KIF9: variants seen among roughly 807,000 people sequenced by gnomAD.
KIF9 encodes the protein kinesin family member 9.
KIF9 carries 68 observed loss-of-function variants against 94.8 expected under a neutral mutation model. That is an observed-to-expected ratio of 0.72 (90% CI 0.59 to 0.88). KIF9 has a LOEUF of 0.88. KIF9 is among the 40% of genes least tolerant of loss of function. KIF9 has a pLI of 0.00. For synonymous variants in KIF9, 343 were observed against 362.1 expected (o/e 0.95, Z 0.60); for missense variants, 882 against 982.5 (o/e 0.90, Z 1.37).
At chr3:47,273,249 C>T (rs1365551057) in intron 4 of KIF9, among the ~76,000 whole-genome samples, 1 of 152,182 alleles carries the variant, frequency 6.6e-6, no homozygotes, top group East Asian at 1.9e-4. Context: ...TCCTTAATTA[C>T]AGGATCACAG....
intron 14 of KIF9, 85 bp from the exon 15 acceptor site, chr3:47,245,009 T>G (rs1380075043): frequency 5.2e-6 from 8 of 1,547,894 alleles, no homozygotes; most frequent in Non-Finnish European, 7.0e-6. Flanking sequence ...GGCCCAAGGC[T>G]CAGGGTGGAC....
chr3:47,259,712 A>C (rs1234619885), intron 9 of KIF9, among the ~76,000 whole-genome samples: 1 of 148,896 alleles, frequency 6.7e-6, no homozygotes, highest in Non-Finnish European at 1.5e-5. Context: ...ACTCAGAGTT[A>C]AATGGATTAA....
intron 20 of KIF9, among the ~76,000 whole-genome samples, chr3:47,234,585 C>T (rs116753163): frequency 0.011 from 1,517 of 141,834 alleles, 10 homozygotes; most frequent in South Asian, 0.019. Flanking sequence ...GATAGAGTTT[C>T]GCTTTATTGC....
intron 1 of KIF9, chr3:47,282,242 G>T: frequency 1.0e-6 from 1 of 985,544 alleles, no homozygotes; most frequent in Non-Finnish European, 1.2e-6. Flanking sequence ...CTGCCTCACG[G>T]CCTCTATGTC....
chr3:47,239,134 A>G (rs1366199330), intron 17 of KIF9, among the ~76,000 whole-genome samples: 2 of 152,138 alleles, frequency 1.3e-5, no homozygotes, highest in Middle Eastern at 3.2e-3. Context: ...CAGGAGGCGG[A>G]GATTGCAGTG....
At chr3:47,232,434 G>T (rs979053380) in intron 20 of KIF9, among the ~76,000 whole-genome samples, 1 of 151,748 alleles carries the variant, frequency 6.6e-6, no homozygotes, top group African/African-American at 2.4e-5. Context: ...ACAGGCATGC[G>T]TCACCACACC....
At chr3:47,274,653 A>C (rs955577713) in intron 3 of KIF9, among the ~76,000 whole-genome samples, 1 of 152,230 alleles carries the variant, frequency 6.6e-6, no homozygotes, top group Non-Finnish European at 1.5e-5. Context: ...GTTCCACAGC[A>C]CCAGTGCTCA....
At chr3:47,259,381 G>A (rs1419776338) in intron 9 of KIF9, among the ~76,000 whole-genome samples, 1 of 152,322 alleles carries the variant, frequency 6.6e-6, no homozygotes, top group South Asian at 2.1e-4. Context: ...AGGACAGGAG[G>A]CGTACTGGGC....
intron 20 of KIF9, among the ~76,000 whole-genome samples, chr3:47,233,361 C>CAAA (rs966425803): frequency 3.1e-4 from 8 of 26,214 alleles, no homozygotes; most frequent in Non-Finnish European, 4.1e-4. Context: ...GACTCTGTCT[C>CAAA]AAAAAAAAAA....
chr3:47,280,056 A>G (rs1702232403), intron 1 of KIF9, among the ~76,000 whole-genome samples: 1 of 152,122 alleles, frequency 6.6e-6, no homozygotes, highest in Non-Finnish European at 1.5e-5. Context: ...AGGCTCAAGC[A>G]ATCCTCCCAC....
At chr3:47,255,720 G>GCTCTCC (rs776357368) in intron 10 of KIF9, among the ~76,000 whole-genome samples, 132 of 149,848 alleles carry the variant, frequency 8.8e-4, no homozygotes, top group African/African-American at 3.1e-3. Flanking sequence ...AATTTTCTTC[G>GCTCTCC]CTCTCCCTCT....
intron 17 of KIF9, chr3:47,238,633 T>TG: frequency 6.6e-6 from 1 of 151,310 alleles, no homozygotes; most frequent in Admixed American, 6.7e-5. Flanking sequence ...AGCACAAAAA[T>TG]GGGGTTTTTT....
chr3:47,255,544 G>A (rs1246636365), intron 10 of KIF9, among the ~76,000 whole-genome samples: 1 of 152,088 alleles, frequency 6.6e-6, no homozygotes, highest in African/African-American at 2.4e-5. Context: ...TTTGGAGACT[G>A]GGGAGGGAGT....
In KIF9 at chr3:47,282,415, G is replaced by A. The variant is rs1012175033; in HGVS notation, c.-6+80C>T. The A allele has an allele frequency of 5.1e-6, 5 of 986,178 alleles. No homozygotes were observed. In the African/African-American group the frequency reaches 5.2e-5, roughly 10 times the overall value. 61.1% of individuals were successfully genotyped at this position (986,178 alleles called of 1,614,324 possible). On this transcript the variant is annotated intron_variant, in intron 1 of 20. Coordinates refer to ENST00000684063, the MANE Select transcript of KIF9 (RefSeq NM_182902.4). ...GAACCCCCAGATAAAGCGGTTTTTGGACCCCAGCCACTTTCAGCAGTCCGG... is the reference window on the plus strand; with the variant it reads ...GAACCCCCAGATAAAGCGGTTTTTGAACCCCAGCCACTTTCAGCAGTCCGG...
chr3:47,229,311 A>G (rs1444670627), intron 20 of KIF9, among the ~76,000 whole-genome samples: 1 of 152,226 alleles, frequency 6.6e-6, no homozygotes, highest in Non-Finnish European at 1.5e-5. Flanking sequence ...GTAATGCCCC[A>G]TGGGTAACTG....
At chr3:47,276,472 C>T (rs1185456988) in intron 2 of KIF9, among the ~76,000 whole-genome samples, 3 of 150,646 alleles carry the variant, frequency 2.0e-5, no homozygotes, top group Non-Finnish European at 2.9e-5. Context: ...AGGACGATCG[C>T]TTGAACCTGG....
intron 18 of KIF9, 123 bp downstream of exon 18, chr3:47,236,320 C>A: frequency 8.6e-7 from 1 of 1,166,478 alleles, no homozygotes; most frequent in Middle Eastern, 2.8e-4. Context: ...ACATCTCAAG[C>A]CCCTGCCCAG....
intron 10 of KIF9, among the ~76,000 whole-genome samples, chr3:47,253,032 A>C (rs1700369386): frequency 6.6e-6 from 1 of 152,098 alleles, no homozygotes; most frequent in African/African-American, 2.4e-5. Context: ...AAAAAAAAAG[A>C]TAAGAAAATC....
In KIF9 at chr3:47,240,891, C is replaced by T. The variant is rs377544760; in HGVS notation, c.1834G>A (p.Glu612Lys). 7.4e-6 allele frequency: 12 copies of T among 1,614,070 alleles called. No individual in the cohort carries two copies. Among genetic ancestry groups the T allele is most frequent in the South Asian group, 1.1e-5 (1 of 91,086 alleles). The change falls in exon 17 of 21, where the codon GAG (glutamate) becomes AAG (lysine). Residue 612 changes from glutamate to lysine, a missense_variant. Physicochemically the swap from Glu to Lys is moderately conservative, Grantham distance 56. Coordinates refer to ENST00000684063, the MANE Select transcript of KIF9 (RefSeq NM_182902.4). ...ATGGCATTGATGTGCTGTGTGGTCT[C>T]GCTGGCCCTTTTCCTCCGTTCATTC... Reference protein sequence around the residue: ...ILNERRKRASETTQHINAIKR... With the variant: ...ILNERRKRASKTTQHINAIKR...
Sources: allele counts gnomAD v4.1 joint callset (sites outside exome capture counted in the v4.1 genomes callset), GRCh38; gene constraint gnomAD v4.1.1; transcripts MANE v1.5; gene names NCBI Gene and HGNC (gene_info 2026-07-23, HGNC 2026-07-21).